KCND2: variants seen among roughly 807,000 people sequenced by gnomAD.
The protein encoded by KCND2 is A-type voltage-gated potassium channel KCND2.
KCND2 carries 16 observed loss-of-function variants against 54.4 expected under a neutral mutation model. That is an observed-to-expected ratio of 0.29 (90% CI 0.20 to 0.45). KCND2 has a LOEUF of 0.45. KCND2 is among the 20% of genes least tolerant of loss of function. The probability of loss-of-function intolerance (pLI) is 1.00; values close to 1 mark genes in which losing one functional copy is unlikely to be tolerated. For missense variants in KCND2, 486 were observed against 824.2 expected (o/e 0.59, Z 5.02); for synonymous variants, 317 against 310.7 (o/e 1.02, Z -0.21).
At chr7:120,681,518 C>G (rs1011403400) in intron 1 of KCND2, among the ~76,000 whole-genome samples, 1 of 151,594 alleles carries the variant, frequency 6.6e-6, no homozygotes, top group East Asian at 1.9e-4. Flanking sequence ...GTGTCAGTAA[C>G]AAATAAGTTC....
intron 1 of KCND2, among the ~76,000 whole-genome samples, chr7:120,685,233 A>G (rs773891715): frequency 6.6e-5 from 10 of 152,168 alleles, no homozygotes; most frequent in Non-Finnish European, 8.8e-5. Context: ...GGAGAGAGAT[A>G]AGAATCCATC....
intron 1 of KCND2, among the ~76,000 whole-genome samples, chr7:120,362,076 C>G (rs1800599448): frequency 6.6e-6 from 1 of 152,056 alleles, no homozygotes. Context: ...TTTCACCTTA[C>G]CTACCTGGGC....
chr7:120,489,755 A>G (rs140783200), intron 1 of KCND2, among the ~76,000 whole-genome samples: 275 of 152,266 alleles, frequency 1.8e-3, no homozygotes, highest in Middle Eastern at 0.01. Flanking sequence ...CCCATCCTGA[A>G]GGTACACAGA....
chr7:120,349,006 C>A (rs565163223), intron 1 of KCND2, among the ~76,000 whole-genome samples: 5 of 152,178 alleles, frequency 3.3e-5, no homozygotes, highest in African/African-American at 1.2e-4. Context: ...AACTTGTTTA[C>A]ATATCTATCT....
At chr7:120,454,786 T>A (rs919235498) in intron 1 of KCND2, among the ~76,000 whole-genome samples, 5 of 152,174 alleles carry the variant, frequency 3.3e-5, no homozygotes, top group African/African-American at 1.2e-4. Flanking sequence ...GAAAACCTCA[T>A]AGTCTCTGTC....
In KCND2 at chr7:120,274,504, A is replaced by C; in HGVS notation, c.-129A>C. ...TTACCAGGAGCCCTATCTTGGAATA[A>C]GAGTTACACCTCTGGACCACGTTTC... On this transcript the variant is annotated 5_prime_UTR_variant, in exon 1 of 6. Coordinates refer to ENST00000331113, the MANE Select transcript of KCND2 (RefSeq NM_012281.3). 2.0e-6 allele frequency: 2 copies of C among 1,005,488 alleles called. No homozygotes were observed. Among genetic ancestry groups the C allele is most frequent in the Non-Finnish European group, 3.1e-6 (2 of 639,930 alleles). The allele number at this position is 1,005,488 out of a possible 1,614,324, so 62.3% of individuals were successfully genotyped here. A position where few individuals can be genotyped will look rare whatever the true frequency, so the allele number is the denominator to read the frequency against.
intron 1 of KCND2, among the ~76,000 whole-genome samples, chr7:120,321,753 A>C (rs1483302243): frequency 6.6e-6 from 1 of 152,042 alleles, no homozygotes; most frequent in East Asian, 1.9e-4. Flanking sequence ...TTTTATGTCC[A>C]ACACGCTTGC....
chr7:120,707,650 A>T (rs930731973), intron 1 of KCND2, among the ~76,000 whole-genome samples: 3 of 152,136 alleles, frequency 2.0e-5, no homozygotes, highest in Non-Finnish European at 2.9e-5. Context: ...CGATTTATCA[A>T]CTTCATTGTA....
At chr7:120,435,072 T>C (rs1801846854) in intron 1 of KCND2, among the ~76,000 whole-genome samples, 1 of 150,266 alleles carries the variant, frequency 6.7e-6, no homozygotes, top group Admixed American at 6.7e-5. Flanking sequence ...AACTAGCATA[T>C]AGAATAACAA....
chr7:120,574,329 C>T (rs1792400317), intron 1 of KCND2, among the ~76,000 whole-genome samples: 1 of 152,098 alleles, frequency 6.6e-6, no homozygotes, highest in South Asian at 2.1e-4. Context: ...AAATATTTGT[C>T]AGCAGCCAAG....
intron 1 of KCND2, among the ~76,000 whole-genome samples, chr7:120,657,926 A>G (rs534637785): frequency 2.0e-4 from 31 of 152,308 alleles, no homozygotes; most frequent in African/African-American, 7.2e-4. Context: ...GCTAGTTTCA[A>G]TAGTGAATAG....
intron 1 of KCND2, among the ~76,000 whole-genome samples, chr7:120,347,574 A>G (rs1313505594): frequency 6.6e-6 from 1 of 152,026 alleles, no homozygotes; most frequent in Non-Finnish European, 1.5e-5. Context: ...CCTGGCCAAC[A>G]TGGTGAAACC....
intron 1 of KCND2, among the ~76,000 whole-genome samples, chr7:120,436,338 TAG>T (rs1276671939): frequency 6.6e-6 from 1 of 152,198 alleles, no homozygotes; most frequent in Non-Finnish European, 1.5e-5. Flanking sequence ...TATAATAGTT[TAG>T]AGAGTTAAGA....
rs1793028683 is a variant in KCND2 at position 120,748,129 on chromosome 7, G to T, written c.*271G>T. 7.4e-6 allele frequency: 2 copies of T among 269,954 alleles called. No individual in the cohort carries two copies. Among genetic ancestry groups the T allele is most frequent in the Non-Finnish European group, 7.0e-6 (1 of 142,960 alleles). The allele number at this position is 269,954 out of a possible 1,614,324, so 16.7% of individuals were successfully genotyped here. A position where few individuals can be genotyped will look rare whatever the true frequency, so the allele number is the denominator to read the frequency against. Reference sequence around the variant, plus strand: ...AATGCCGCCTACTGATGCTTCTTATGATCAGAACTCTTTTTTAATAAAATA... The same window carrying T: ...AATGCCGCCTACTGATGCTTCTTATTATCAGAACTCTTTTTTAATAAAATA... On this transcript the variant is annotated 3_prime_UTR_variant, in exon 6 of 6. Transcript: ENST00000331113.
intron 1 of KCND2, among the ~76,000 whole-genome samples, chr7:120,689,292 C>A (rs1386085959): frequency 6.6e-6 from 1 of 152,094 alleles, no homozygotes; most frequent in Non-Finnish European, 1.5e-5. Context: ...GCATTGTTTT[C>A]TTTTTGTGTC....
chr7:120,324,780 A>C (rs1235893910), intron 1 of KCND2, among the ~76,000 whole-genome samples: 4 of 152,036 alleles, frequency 2.6e-5, no homozygotes, highest in Admixed American at 6.5e-5. Flanking sequence ...CTTGGCAATG[A>C]GGGCTCTTTT....
intron 1 of KCND2, among the ~76,000 whole-genome samples, chr7:120,561,999 A>G (rs1792241296): frequency 1.3e-5 from 2 of 152,218 alleles, no homozygotes; most frequent in Non-Finnish European, 2.9e-5. Flanking sequence ...ATGAAGGAGT[A>G]GAAGTTGGTA....
intron 1 of KCND2, among the ~76,000 whole-genome samples, chr7:120,624,404 G>A (rs895089973): frequency 2.6e-5 from 4 of 152,074 alleles, no homozygotes; most frequent in Admixed American, 6.6e-5. Context: ...GCATTATATC[G>A]GAAGAGAGAT....
chr7:120,585,078 T>C (rs898615263), intron 1 of KCND2, among the ~76,000 whole-genome samples: 4 of 152,214 alleles, frequency 2.6e-5, no homozygotes, highest in African/African-American at 9.6e-5. Context: ...CATCTCGTAG[T>C]TCCTGACACA....
Sources: gnomAD v4.1 joint callset for allele counts (sites outside exome capture counted in the v4.1 genomes callset) on GRCh38, gnomAD v4.1.1 for gene constraint, MANE v1.5 for transcripts, NCBI Gene and HGNC (gene_info 2026-07-23, HGNC 2026-07-21) for gene names.